The following UBN2 variants were observed in gnomAD, a reference collection of about 807,000 sequenced individuals.
UBN2 encodes the protein ubinuclein 2, also known as ubinuclein-2.
A neutral mutation model predicts 120.2 loss-of-function variants in UBN2; 35 were observed. The observed-to-expected ratio is 0.29, with a 90% confidence interval of 0.22 to 0.39. The LOEUF (loss-of-function observed/expected upper bound fraction) is 0.39, where lower values mean the gene tolerates loss of function less well. Among genes scored for constraint, UBN2 ranks in the 10% least tolerant of loss-of-function variants. The pLI, the probability that UBN2 is intolerant of heterozygous loss-of-function variation, is 1.00. For synonymous variants in UBN2, 661 were observed against 648.7 expected (o/e 1.02, Z -0.29); for missense variants, 1,693 against 1,663.2 (o/e 1.02, Z -0.31).
In UBN2 at chr7:139,297,837, C is replaced by G; in HGVS notation, c.*1C>G. On this transcript the variant is annotated 3_prime_UTR_variant, in exon 18 of 18. Coordinates refer to ENST00000473989, the MANE Select transcript of UBN2 (RefSeq NM_173569.4). ...TAAATTACCACGGAAATCTCAGTGA[C>G]TGCCCAGCAAGCAAAGGAGACGAAA... 1 of 1,614,076 alleles carries G rather than the reference C, an allele frequency of 6.2e-7. No individual in the cohort carries two copies. Among genetic ancestry groups the G allele is most frequent in the Non-Finnish European group, 8.5e-7 (1 of 1,179,976 alleles).
At chr7:139,269,608 A>G in intron 8 of UBN2, 85 bp downstream of exon 8, 1 of 1,408,716 alleles carries the variant, frequency 7.1e-7, no homozygotes, top group Non-Finnish European at 9.7e-7. Flanking sequence ...TTGCACATTA[A>G]TTGATTTATA....
chr7:139,258,388 G>T, intron 3 of UBN2, 100 bp from the exon 4 acceptor site: 1 of 889,634 alleles, frequency 1.1e-6, no homozygotes, highest in South Asian at 3.4e-5. Context: ...GTTGCAGTTA[G>T]GATTTAAGGG....
At chr7:139,310,768 G>A (rs558575223), downstream of UBN2, among the ~76,000 whole-genome samples, 294 of 152,218 alleles carry the variant, frequency 1.9e-3, 2 homozygotes, top group Non-Finnish European at 2.4e-3. Context: ...GTGAGACGCC[G>A]TCTCAAAAAT....
chr7:139,310,048 AAG>A (rs1286941476), downstream of UBN2, among the ~76,000 whole-genome samples: 3 of 152,182 alleles, frequency 2.0e-5, no homozygotes, highest in African/African-American at 4.8e-5. Flanking sequence ...TTTGGTTGAA[AAG>A]AGGGAGAAAG....
At chr7:139,284,741 A>G (rs181556217) in intron 15 of UBN2, among the ~76,000 whole-genome samples, 167 bp downstream of exon 15, 36 of 152,252 alleles carry the variant, frequency 2.4e-4, no homozygotes, top group Admixed American at 7.8e-4. Flanking sequence ...AGTGACAGGC[A>G]CACTTGTAGT....
intron 2 of UBN2, among the ~76,000 whole-genome samples, chr7:139,251,344 C>G (rs1016122643): frequency 6.6e-6 from 1 of 152,124 alleles, no homozygotes; most frequent in Non-Finnish European, 1.5e-5. Context: ...AGCTAAGGAG[C>G]CAGCATTGGC....
At chr7:139,282,995 A>AT (rs1797658947) in intron 14 of UBN2, 29 bp from the exon 15 acceptor site, 2 of 1,451,714 alleles carry the variant, frequency 1.4e-6, no homozygotes, top group Non-Finnish European at 1.8e-6. Context: ...CACCATTTCT[A>AT]TTTTTTTCCA....
chr7:139,237,969 G>A lies in UBN2; in HGVS notation c.561+872G>A, dbSNP rs574846006. 1.1e-4 allele frequency among the ~76,000 whole-genome samples: 17 copies of A among 152,310 alleles called. 1 individual carries two copies. Among genetic ancestry groups the A allele is most frequent in the African/African-American group, 4.1e-4 (17 of 41,580 alleles). ...ATTTTATATTCAGTGCCACAATATA[G>A]TGGTGTTTGTTTGAATACAAAAACA... On this transcript the variant is annotated intron_variant, in intron 2 of 17. Coordinates refer to ENST00000473989, the MANE Select transcript of UBN2 (RefSeq NM_173569.4).
At chr7:139,235,685 G>A (rs1796146493) in intron 1 of UBN2, among the ~76,000 whole-genome samples, 1 of 152,240 alleles carries the variant, frequency 6.6e-6, no homozygotes, top group Non-Finnish European at 1.5e-5. Flanking sequence ...GGGATTACAG[G>A]TGTGAGCCAC....
At chr7:139,281,872 A>C in intron 13 of UBN2, 133 bp from the exon 14 acceptor site, 1 of 719,836 alleles carries the variant, frequency 1.4e-6, no homozygotes, top group East Asian at 2.7e-5. Context: ...TGTGACCTTA[A>C]TGCAGTTACA....
intron 14 of UBN2, 53 bp from the exon 15 acceptor site, chr7:139,282,971 T>C: frequency 7.5e-7 from 1 of 1,333,978 alleles, no homozygotes. Context: ...AAATTAACTT[T>C]GTAATTTTTT....
chr7:139,322,261 A>G, the UBN2 span, among the ~76,000 whole-genome samples: 1 of 152,214 alleles, frequency 6.6e-6, no homozygotes, highest in Non-Finnish European at 1.5e-5. Flanking sequence ...GGCATGAGCC[A>G]CCATGCACAG....
At chr7:139,321,590 A>T in the UBN2 span, among the ~76,000 whole-genome samples, 84 of 152,130 alleles carry the variant, frequency 5.5e-4, 2 homozygotes, top group Non-Finnish European at 1.3e-4. Flanking sequence ...ACCTCAATAG[A>T]GGGGAGGACT....
intron 11 of UBN2, among the ~76,000 whole-genome samples, chr7:139,274,444 C>G (rs1249202571): frequency 6.6e-6 from 1 of 152,072 alleles, no homozygotes; most frequent in Non-Finnish European, 1.5e-5. Context: ...GGAAAAGAGA[C>G]ACAGCCTTAG....
chr7:139,314,509 G>A, the UBN2 span, among the ~76,000 whole-genome samples: 7 of 151,940 alleles, frequency 4.6e-5, no homozygotes, highest in South Asian at 1.0e-3. Flanking sequence ...TTTTTTAGAC[G>A]GAGTCTTGCT....
At chr7:139,267,535 C>G (rs1797135238) in intron 7 of UBN2, among the ~76,000 whole-genome samples, 1 of 136,042 alleles carries the variant, frequency 7.4e-6, no homozygotes, top group Admixed American at 7.4e-5. Context: ...GACTCTGTCT[C>G]CAAAAAAAAA....
At chr7:139,267,035 T>C (rs1258408669) in intron 7 of UBN2, among the ~76,000 whole-genome samples, 1 of 152,180 alleles carries the variant, frequency 6.6e-6, no homozygotes, top group Non-Finnish European at 1.5e-5. Context: ...AAGCTGTAGG[T>C]TCTAAGGTTG....
the UBN2 span, among the ~76,000 whole-genome samples, chr7:139,315,014 C>T: frequency 6.6e-6 from 1 of 151,632 alleles, no homozygotes; most frequent in African/African-American, 2.4e-5. Context: ...CTCGCTCTGT[C>T]GCCCATGCTG....
chr7:139,297,877 A>T lies in UBN2; in HGVS notation c.*41A>T, dbSNP rs1798154835. The T allele has an allele frequency of 6.2e-7, 1 of 1,606,418 alleles. No individual in the cohort carries two copies. Among genetic ancestry groups the T allele is most frequent in the Non-Finnish European group, 8.5e-7 (1 of 1,173,192 alleles). On this transcript the variant is annotated 3_prime_UTR_variant, in exon 18 of 18. Coordinates refer to ENST00000473989, the MANE Select transcript of UBN2 (RefSeq NM_173569.4). ...AGGAGACGAAATGTTTAGTTGACTG[A>T]TGGAATCTACCTGATGGGAAAGTAC...
Sources: allele counts gnomAD v4.1 joint callset (sites outside exome capture counted in the v4.1 genomes callset), GRCh38; gene constraint gnomAD v4.1.1; transcripts MANE v1.5; gene names NCBI Gene and HGNC (gene_info 2026-07-23, HGNC 2026-07-21).